Variants in WAPL observed in about 807,000 individuals in gnomAD.
WAPL encodes the protein WAPL cohesin release factor.
A neutral mutation model predicts 121.0 loss-of-function variants in WAPL; 5 were observed. The observed-to-expected ratio is 0.04, with a 90% confidence interval of 0.02 to 0.09. The LOEUF (loss-of-function observed/expected upper bound fraction) is 0.09. Among genes scored for constraint, WAPL ranks in the 10% least tolerant of loss-of-function variants. The probability of loss-of-function intolerance (pLI) is 1.00; values close to 1 mark genes in which losing one functional copy is unlikely to be tolerated. For synonymous variants in WAPL, 480 were observed against 481.5 expected, an observed-to-expected ratio of 1.00 and a Z score of 0.04; for missense variants, 999 against 1,410.8, an observed-to-expected ratio of 0.71 and a Z score of 4.68.
chr10:86,487,069 G>A (rs1172690733), intron 4 of WAPL, among the ~76,000 whole-genome samples: 1 of 151,974 alleles, frequency 6.6e-6, no homozygotes, highest in African/African-American at 2.4e-5. Flanking sequence ...AAACAAGATG[G>A]CCAACATCCC....
intron 4 of WAPL, among the ~76,000 whole-genome samples, chr10:86,477,818 G>A (rs545661693): frequency 4.6e-5 from 7 of 151,938 alleles, no homozygotes; most frequent in Non-Finnish European, 7.4e-5. Context: ...AGTGGCTCAC[G>A]CCTGTAATCC....
chr10:86,486,873 T>C (rs1356944106), intron 4 of WAPL, among the ~76,000 whole-genome samples: 1 of 152,074 alleles, frequency 6.6e-6, no homozygotes, highest in African/African-American at 2.4e-5. Flanking sequence ...CAGGAATCAC[T>C]TGAGCCCAGG....
At chr10:86,519,050 A>G (rs761890519) in intron 1 of WAPL, among the ~76,000 whole-genome samples, 4 of 152,214 alleles carry the variant, frequency 2.6e-5, no homozygotes, top group Non-Finnish European at 4.4e-5. Context: ...GGATTAATAC[A>G]GACATAGAAA....
intron 17 of WAPL, among the ~76,000 whole-genome samples, chr10:86,440,791 G>A (rs1038277755): frequency 2.6e-5 from 4 of 151,396 alleles, no homozygotes; most frequent in Non-Finnish European, 5.9e-5. Context: ...CACAGAGTGG[G>A]CTGTTGTATT....
rs943227371 is a variant in WAPL at position 86,499,936 on chromosome 10, G to A, written c.1307C>T (p.Thr436Ile). 1 of 1,613,838 alleles carries A rather than the reference G, an allele frequency of 6.2e-7. No homozygotes were observed. The highest frequency in any genetic ancestry group is 1.3e-5 in the African/African-American group (1 of 74,878). The change falls in exon 3 of 19, where the codon ACA (threonine) becomes ATA (isoleucine). Residue 436 changes from threonine (T) to isoleucine (I), a missense_variant. Thr to Ile is a moderately conservative substitution (Grantham distance 89). Coordinates refer to ENST00000298767, the MANE Select transcript of WAPL (RefSeq NM_015045.5). ...LEFFGFEDHE[T>I]GGDEGGSGSS... is the part of the protein sequence containing the mutation. ...TCCAGAACCTCCTTCATCACCTCCTGTCTCATGATCTTCAAAACCAAAAAA... is the reference window on the plus strand; with the variant it reads ...TCCAGAACCTCCTTCATCACCTCCTATCTCATGATCTTCAAAACCAAAAAA...
rs141055905 is a variant in WAPL at position 86,502,483 on chromosome 10, G to C, written c.500-1740C>G. Among the ~76,000 whole-genome samples the C allele has an allele frequency of 4.1e-3, 628 of 152,198 alleles. 3 individuals are homozygous for C. Among genetic ancestry groups the C allele is most frequent in the Non-Finnish European group, 5.6e-3 (378 of 67,988 alleles). On this transcript the variant is annotated intron_variant, in intron 2 of 18. Transcript: ENST00000298767. Reference sequence around the variant, plus strand: ...ATTTATGAATCAAATACAACATCTTGAATTTACTTTAGTGAGGATAAAAAT... The same window carrying C: ...ATTTATGAATCAAATACAACATCTTCAATTTACTTTAGTGAGGATAAAAAT...
intron 2 of WAPL, among the ~76,000 whole-genome samples, chr10:86,507,503 T>C (rs1349756694): frequency 1.3e-5 from 2 of 152,138 alleles, no homozygotes; most frequent in Admixed American, 6.5e-5. Context: ...TTAAGGATTT[T>C]ACACCATATT....
chr10:86,504,306 C>G (rs996584311), intron 2 of WAPL, among the ~76,000 whole-genome samples: 17 of 93,576 alleles, frequency 1.8e-4, no homozygotes, highest in South Asian at 3.6e-4. Context: ...TAAAACAAAG[C>G]TGAACTATAT....
intron 4 of WAPL, among the ~76,000 whole-genome samples, chr10:86,491,208 C>G (rs924464515): frequency 6.9e-6 from 1 of 145,108 alleles, no homozygotes; most frequent in Non-Finnish European, 1.5e-5. Context: ...GGCATGATCT[C>G]CGCTCACTGC....
intron 1 of WAPL, among the ~76,000 whole-genome samples, chr10:86,520,025 G>A (rs1842641968): frequency 6.6e-6 from 1 of 152,216 alleles, no homozygotes; most frequent in Admixed American, 6.5e-5. Flanking sequence ...GCTGGGGGCG[G>A]CAGGTCACGC....
chr10:86,493,600 G>A (rs1024864526), intron 4 of WAPL, among the ~76,000 whole-genome samples: 6 of 152,086 alleles, frequency 3.9e-5, no homozygotes, highest in African/African-American at 1.4e-4. Context: ...TGTGATCATA[G>A]CTCACTGCAG....
intron 4 of WAPL, among the ~76,000 whole-genome samples, chr10:86,475,002 T>C (rs1473268710): frequency 1.3e-5 from 2 of 152,212 alleles, no homozygotes; most frequent in Admixed American, 1.3e-4. Flanking sequence ...TGTAATAACA[T>C]ACATGATTTC....
chr10:86,444,662 CA>C (rs1327520024), intron 16 of WAPL, among the ~76,000 whole-genome samples: 3 of 151,872 alleles, frequency 2.0e-5, no homozygotes, highest in East Asian at 3.9e-4. Flanking sequence ...TGCCAGTGCC[CA>C]GGGAGGAGGG....
chr10:86,443,185 GAAAT>G (rs1473985980), intron 17 of WAPL, 86 bp downstream of exon 17: 5 of 1,017,086 alleles, frequency 4.9e-6, no homozygotes, highest in Non-Finnish European at 7.3e-6. Context: ...AAACACTGAA[GAAAT>G]AAATAAGTGA....
chr10:86,461,130 AG>A lies in WAPL; in HGVS notation c.2482+45del, dbSNP rs780388311. The stretch of plus-strand genomic sequence containing the variant: ...AGTACGTCAATGGAGTATTTTCTTC[AG>A]GCTTTAAATAATATATAAAAACATT... On this transcript the variant is annotated intron_variant, in intron 10 of 18. Transcript: ENST00000298767. 44 of 1,402,614 alleles carry A rather than the reference AG, an allele frequency of 3.1e-5. No individual in the cohort carries two copies. The South Asian group carries it at 5.3e-4, about 17-fold the overall frequency. The allele number at this position is 1,402,614 out of a possible 1,614,324, so 86.9% of individuals were successfully genotyped here. A position where few individuals can be genotyped will look rare whatever the true frequency, so the allele number is the denominator to read the frequency against.
At chr10:86,446,586 A>C in intron 15 of WAPL, 137 bp from the exon 16 acceptor site, 1 of 1,011,512 alleles carries the variant, frequency 9.9e-7, no homozygotes, top group Non-Finnish European at 1.4e-6. Flanking sequence ...GGTGAGTATA[A>C]GTAAAAGCTT....
chr10:86,493,933 G>A (rs902212498), intron 4 of WAPL, among the ~76,000 whole-genome samples: 9 of 152,184 alleles, frequency 5.9e-5, no homozygotes, highest in African/African-American at 1.7e-4. Context: ...CACCTGGGAG[G>A]CAGAGGCTCT....
chr10:86,457,048 CAA>C (rs1453848157), intron 12 of WAPL, among the ~76,000 whole-genome samples: 1 of 151,926 alleles, frequency 6.6e-6, no homozygotes, highest in Non-Finnish European at 1.5e-5. Flanking sequence ...ATGAAGTATA[CAA>C]AAGAGATATT....
intron 2 of WAPL, among the ~76,000 whole-genome samples, chr10:86,505,650 A>G (rs1196779144): frequency 6.6e-6 from 1 of 152,140 alleles, no homozygotes; most frequent in East Asian, 1.9e-4. Flanking sequence ...CGGCTCTTAA[A>G]AATTTGAATT....
Sources: allele counts gnomAD v4.1 joint callset (sites outside exome capture counted in the v4.1 genomes callset), GRCh38; gene constraint gnomAD v4.1.1; transcripts MANE v1.5; gene names NCBI Gene and HGNC (gene_info 2026-07-23, HGNC 2026-07-21).